Variants in SHROOM2 observed in about 807,000 individuals in gnomAD.
SHROOM2 encodes shroom family member 2, also known as protein Shroom2.
SHROOM2 carries 33 observed loss-of-function variants against 75.9 expected under a neutral mutation model. The observed-to-expected ratio is 0.43, with a 90% CI of 0.33 to 0.58. The LOEUF is 0.58. SHROOM2 is among the 20% of genes least tolerant of loss of function. The pLI, the probability that SHROOM2 is intolerant of heterozygous loss-of-function variation, is 0.04. For synonymous variants in SHROOM2, 655 were observed against 663.6 expected (o/e 0.99, Z 0.20); for missense variants, 1,434 against 1,461.2 (o/e 0.98, Z 0.30).
chrX:9,787,652 T>C (rs2083622563), intron 1 of SHROOM2, among the ~76,000 whole-genome samples: 1 of 112,599 alleles, frequency 8.9e-6, no homozygotes, highest in Non-Finnish European at 1.9e-5. Context: ...AAGTGATTCC[T>C]AACCCGCCGC....
At chrX:9,809,555 G>C (rs938559867) in intron 1 of SHROOM2, among the ~76,000 whole-genome samples, 39 of 112,486 alleles carry the variant, frequency 3.5e-4, no homozygotes, top group African/African-American at 1.2e-3. Context: ...AAAGACAATG[G>C]TAAGGTCATA....
rs1005358857 is a variant in SHROOM2, at chrX:9,898,083, A to G, written c.2791-107A>G. 6.4e-6 allele frequency: 4 copies of G among 626,258 alleles called. No homozygotes were observed. In the African/African-American group the frequency reaches 8.8e-5, roughly 14 times the overall value. The allele number at this position is 626,258 out of a possible 1,213,427, so 51.6% of individuals were successfully genotyped here. Reference sequence around the variant, plus strand: ...CAGTCATCTCAATGAAATGCTTTGTAGAACTGCCCTGGCAAGGCAAACCCA... The same window carrying G: ...CAGTCATCTCAATGAAATGCTTTGTGGAACTGCCCTGGCAAGGCAAACCCA... On this transcript the variant is annotated intron_variant, in intron 4 of 9. Transcript: ENST00000380913.
intron 5 of SHROOM2, among the ~76,000 whole-genome samples, chrX:9,925,663 A>G (rs1056794266): frequency 8.9e-6 from 1 of 112,672 alleles, no homozygotes; most frequent in Non-Finnish European, 1.9e-5. Context: ...GCTTTGTAGC[A>G]TACATTTTCA....
chrX:9,787,555 A>G (rs2083621937), intron 1 of SHROOM2, among the ~76,000 whole-genome samples: 1 of 112,503 alleles, frequency 8.9e-6, no homozygotes, highest in Non-Finnish European at 1.9e-5. Context: ...TCCTTTTAAA[A>G]TGTAAAGATT....
Position 9,932,223 on chromosome X carries a change from C to A in SHROOM2, c.2940C>A (p.His980Gln). ...AAGGCAGCCCAGGATCACAGCAGCACCCACCGAGTCAGAAGGCACCGAACC... is the reference window on the plus strand; with the variant it reads ...AAGGCAGCCCAGGATCACAGCAGCAACCACCGAGTCAGAAGGCACCGAACC... ...CREGSPGSQQ[H>Q]PPSQKAPNPP... The change falls in exon 6 of 10, where the codon CAC becomes CAA. Residue 980 changes from histidine to glutamine, a missense_variant. By Grantham distance (24) the His-to-Gln change is conservative. This residue lies in a region of SHROOM2 where 1,340 missense variants were observed against 1,338.3 expected (regional missense o/e 1.00). Transcript: ENST00000380913. 8.6e-7 allele frequency: 1 copy of A among 1,159,254 alleles called. No homozygotes were observed. Among genetic ancestry groups the A allele is most frequent in the East Asian group, 3.0e-5 (1 of 33,048 alleles).
At position 9,838,497 on chromosome X, in the gene SHROOM2, G is replaced by C. The variant is rs138974982; in HGVS notation, c.166-35155G>C. 1.6e-3 allele frequency among the ~76,000 whole-genome samples: 178 copies of C among 111,246 alleles called. 1 individual carries two copies. The highest frequency in any genetic ancestry group is 5.6e-3 in the African/African-American group (171 of 30,651). ...GGGAATTCACAACCCCTACCATATA[G>C]TAGATCAAGCCTTGACTACTAAGGA... On this transcript the variant is annotated intron_variant, in intron 1 of 9. Transcript: ENST00000380913.
chrX:9,926,867 A>G (rs1306483503), intron 5 of SHROOM2, among the ~76,000 whole-genome samples: 1 of 111,001 alleles, frequency 9.0e-6, no homozygotes, highest in Non-Finnish European at 1.9e-5. Flanking sequence ...GTATGTGTAA[A>G]TATTCCAAAA....
At chrX:9,855,295 T>TTAAAA (rs1555927810) in intron 1 of SHROOM2, among the ~76,000 whole-genome samples, 2 of 39,300 alleles carry the variant, frequency 5.1e-5, no homozygotes, top group Non-Finnish European at 8.9e-5. Flanking sequence ...TAAAGTATAG[T>TTAAAA]AAAAAAAAAA....
At chrX:9,852,303 A>T (rs767151753) in intron 1 of SHROOM2, among the ~76,000 whole-genome samples, 19 of 112,855 alleles carry the variant, frequency 1.7e-4, no homozygotes, top group Non-Finnish European at 3.0e-4. Context: ...TTTAGGAAGG[A>T]TCCTTCACTT....
chrX:9,837,749 C>T (rs1272006660), intron 1 of SHROOM2, among the ~76,000 whole-genome samples: 2 of 112,052 alleles, frequency 1.8e-5, no homozygotes, highest in Non-Finnish European at 3.8e-5. Context: ...TGCCCAGCTC[C>T]TTGCGGCTGG....
chrX:9,911,373 T>C (rs1040913189), intron 5 of SHROOM2, among the ~76,000 whole-genome samples: 4 of 112,418 alleles, frequency 3.6e-5, no homozygotes, highest in Non-Finnish European at 7.5e-5. Context: ...GAAAAAAATC[T>C]AAAATAGCAG....
intron 2 of SHROOM2, among the ~76,000 whole-genome samples, chrX:9,883,123 G>A (rs968047890): frequency 5.3e-5 from 6 of 112,373 alleles, no homozygotes; most frequent in African/African-American, 1.3e-4. Flanking sequence ...CTCCCACCAC[G>A]TGGTTAAAAT....
chrX:9,840,191 T>G (rs930940395), intron 1 of SHROOM2, among the ~76,000 whole-genome samples: 1 of 112,905 alleles, frequency 8.9e-6, no homozygotes, highest in Non-Finnish European at 1.9e-5. Flanking sequence ...TACTCTAAAT[T>G]CAACTCACAT....
At position 9,804,174 on chromosome X, in the gene SHROOM2, A is replaced by ACTGAAGGTCTTT. The variant is rs1297707386; in HGVS notation, c.165+17464_165+17465insCTGAAGGTCTTT. Among the ~76,000 whole-genome samples, 5 of 110,928 alleles carry ACTGAAGGTCTTT rather than the reference A, an allele frequency of 4.5e-5. No homozygotes were observed. The East Asian group carries it at 1.4e-3, about 32-fold the overall frequency. On this transcript the variant is annotated intron_variant, in intron 1 of 9. Coordinates refer to ENST00000380913, the MANE Select transcript of SHROOM2 (RefSeq NM_001649.4). ...TCCCCAGTGGATGAGGTCTTTGGAG[A>ACTGAAGGTCTTT]GGTGGAGGCTGAAGGAGCATGGCTC...
chrX:9,934,887 C>G (rs1291486707), intron 6 of SHROOM2, among the ~76,000 whole-genome samples: 1 of 110,920 alleles, frequency 9.0e-6, no homozygotes, highest in Non-Finnish European at 1.9e-5. Context: ...ATTCTGCTGC[C>G]TCAGCCTCCC....
chrX:9,871,481 C>T (rs926104541), intron 1 of SHROOM2, among the ~76,000 whole-genome samples: 9 of 111,854 alleles, frequency 8.0e-5, no homozygotes, highest in Non-Finnish European at 1.7e-4. Flanking sequence ...CCCCAGGTAT[C>T]GCCTGCCTTT....
chrX:9,928,676 C>T (rs759288877), intron 5 of SHROOM2, among the ~76,000 whole-genome samples: 44 of 111,046 alleles, frequency 4.0e-4, no homozygotes, highest in Non-Finnish European at 7.8e-4. Flanking sequence ...ACGCATACAA[C>T]GCACAACACA....
chrX:9,944,447 G>A (rs2084798467), intron 8 of SHROOM2, among the ~76,000 whole-genome samples, 194 bp from the exon 9 acceptor site: 1 of 112,344 alleles, frequency 8.9e-6, no homozygotes, highest in South Asian at 3.6e-4. Flanking sequence ...AATGCCAATA[G>A]TGCCATTAGG....
intron 5 of SHROOM2, among the ~76,000 whole-genome samples, chrX:9,909,954 T>C (rs969381050): frequency 9.0e-6 from 1 of 111,288 alleles, no homozygotes; most frequent in Non-Finnish European, 1.9e-5. Flanking sequence ...CCTCACATGA[T>C]GGAAGGGGAG....
Sources: gnomAD v4.1 joint callset for allele counts (sites outside exome capture counted in the v4.1 genomes callset) on GRCh38, gnomAD v4.1.1 for gene constraint, gnomAD v4.1.1 regional missense constraint, MANE v1.5 for transcripts, NCBI Gene and HGNC (gene_info 2026-07-23, HGNC 2026-07-21) for gene names.